Variants in CUX2 observed in about 807,000 individuals in gnomAD.
CUX2 encodes the protein homeobox protein cut-like 2.
Under a neutral mutation model 144.8 loss-of-function variants are expected in CUX2, and 40 were observed. That is an observed-to-expected ratio of 0.28 (90% CI 0.21 to 0.36). The LOEUF is 0.36. Ranked by LOEUF, CUX2 falls within the 10% of genes least tolerant of loss-of-function variation. The probability of loss-of-function intolerance (pLI) is 1.00; values close to 1 mark genes in which losing one functional copy is unlikely to be tolerated. For synonymous variants in CUX2, 827 were observed against 875.6 expected (o/e 0.94, Z 0.98); for missense variants, 1,615 against 1,994.0 (o/e 0.81, Z 3.62).
intron 2 of CUX2, among the ~76,000 whole-genome samples, chr12:111,216,261 C>T (rs1001175438): frequency 2.0e-5 from 3 of 152,226 alleles, no homozygotes; most frequent in African/African-American, 7.2e-5. Flanking sequence ...CTGCGCCATT[C>T]ACTTGCTGTG....
At chr12:111,313,228 A>ATTTTT (rs1336966730) in intron 16 of CUX2, among the ~76,000 whole-genome samples, 25 of 140,614 alleles carry the variant, frequency 1.8e-4, no homozygotes, top group African/African-American at 5.5e-4. Flanking sequence ...CACCTGGCTA[A>ATTTTT]TTTTTTTTTT....
intron 4 of CUX2, among the ~76,000 whole-genome samples, chr12:111,271,519 C>A (rs1010415283): frequency 6.6e-6 from 1 of 152,188 alleles, no homozygotes; most frequent in African/African-American, 2.4e-5. Flanking sequence ...ATTTACCTAA[C>A]CCCTCTCCAA....
chr12:111,307,326 C>A lies in CUX2; in HGVS notation c.1109+69C>A. 1 of 1,378,276 alleles carries A rather than the reference C, an allele frequency of 7.3e-7. No individual in the cohort carries two copies. The highest frequency in any genetic ancestry group is 1.0e-6 in the Non-Finnish European group (1 of 979,558). The allele number at this position is 1,378,276 out of a possible 1,614,324, so 85.4% of individuals were successfully genotyped here. A position where few individuals can be genotyped will look rare whatever the true frequency, so the allele number is the denominator to read the frequency against. ...CTGGCCAGGAGCTCTTGGCAAAGTT[C>A]ATCATCTTCCTCCCTCCTACTAAAC... On this transcript the variant is annotated intron_variant, in intron 12 of 21. Transcript: ENST00000261726. The surrounding 1 kb of genome is among the most constrained non-coding windows in gnomAD (Gnocchi z 4.1).
rs556941040 is a variant in CUX2 at position 111,344,688 on chromosome 12, G to A, written c.3659+2635G>A. Among the ~76,000 whole-genome samples, 9 of 152,096 alleles carry A rather than the reference G, an allele frequency of 5.9e-5. 1 individual carries two copies. Among genetic ancestry groups the A allele is most frequent in the Admixed American group, 4.6e-4 (7 of 15,262 alleles). On this transcript the variant is annotated intron_variant, in intron 21 of 21. Transcript: ENST00000261726. ...TTGGAGGGATTGGAGGGGAGGGTAC[G>A]GACTAGGTGACCCCTCACAGTTCCT... is the stretch of plus-strand genomic sequence containing the variant.
chr12:111,148,509 G>T (rs1876840879), intron 1 of CUX2, among the ~76,000 whole-genome samples: 2 of 152,116 alleles, frequency 1.3e-5, no homozygotes, highest in Admixed American at 1.3e-4. Context: ...ATTTAAATAT[G>T]GTTAAAATTG....
Position 111,320,267 on chromosome 12 carries a change from GC to G in CUX2, c.2262del (p.Ala755ArgfsTer122). The G allele has an allele frequency of 6.3e-7, 1 of 1,592,696 alleles. No individual in the cohort carries two copies. On this transcript the variant is annotated frameshift_variant, in exon 17 of 22. Transcript: ENST00000261726. LOFTEE classifies it high-confidence loss of function. The surrounding 1 kb of genome is among the most constrained non-coding windows in gnomAD (Gnocchi z 8.1). ...GTGAAGCAGGAGGAGGGCAGCGGGG[GC>G]CCCGCGCAGGCGCCGCTCCCGGTCC... Reference protein sequence around the residue: ...ALVKQEEGSGGPAQAPLPVLS... With the variant: ...ALVKQEEGSGXPAQAPLPVLS...
At chr12:111,091,792 C>T (rs530908584) in intron 1 of CUX2, among the ~76,000 whole-genome samples, 20 of 152,326 alleles carry the variant, frequency 1.3e-4, no homozygotes, top group Non-Finnish European at 2.2e-4. Context: ...TGGTGGCTGC[C>T]GGCCCTGCCT....
At chr12:111,098,457 C>T (rs995324105) in intron 1 of CUX2, among the ~76,000 whole-genome samples, 6 of 151,898 alleles carry the variant, frequency 4.0e-5, no homozygotes, top group African/African-American at 7.3e-5. Context: ...CTGCAGTCAT[C>T]GGCCTTGGCA....
intron 1 of CUX2, among the ~76,000 whole-genome samples, chr12:111,067,275 A>G (rs1261029138): frequency 2.0e-5 from 3 of 152,314 alleles, no homozygotes; most frequent in African/African-American, 4.8e-5. Context: ...AGCTGGGCCA[A>G]TCAGAATTCT....
intron 1 of CUX2, among the ~76,000 whole-genome samples, chr12:111,096,805 C>G (rs1395304614): frequency 6.6e-6 from 1 of 152,076 alleles, no homozygotes; most frequent in East Asian, 1.9e-4. Flanking sequence ...TGATGAAACT[C>G]CATCTCTACT....
chr12:111,177,320 C>T (rs1281585739), intron 1 of CUX2, among the ~76,000 whole-genome samples: 1 of 152,104 alleles, frequency 6.6e-6, no homozygotes, highest in African/African-American at 2.4e-5. Flanking sequence ...CTGCAGCCAT[C>T]TCTGCAAAAG....
At chr12:111,298,647 G>C (rs1277040197) in intron 9 of CUX2, 58 bp downstream of exon 9, 2 of 1,491,998 alleles carry the variant, frequency 1.3e-6, no homozygotes, top group African/African-American at 2.8e-5. Flanking sequence ...CTGGGGTGGG[G>C]GTCTCGGGCC....
chr12:111,183,462 A>G (rs1410842113), intron 1 of CUX2, among the ~76,000 whole-genome samples: 1 of 152,258 alleles, frequency 6.6e-6, no homozygotes, highest in Non-Finnish European at 1.5e-5. Flanking sequence ...GGCAATAGGC[A>G]GAAGCAACAC....
At position 111,212,576 on chromosome 12, in the gene CUX2, C is replaced by T. The variant is rs1334791797; in HGVS notation, c.64-1624C>T. ...TAGAGAGGAGGCCTCACTATGTTGCCCAGGCTGGTCTCAAACTCTTGGCCT... is the reference window on the plus strand; with the variant it reads ...TAGAGAGGAGGCCTCACTATGTTGCTCAGGCTGGTCTCAAACTCTTGGCCT... On this transcript the variant is annotated intron_variant, in intron 1 of 21. Coordinates refer to ENST00000261726, the MANE Select transcript of CUX2 (RefSeq NM_015267.4). 2.6e-5 allele frequency among the ~76,000 whole-genome samples: 4 copies of T among 152,160 alleles called. No homozygotes were observed. The East Asian group carries it at 7.7e-4, about 29-fold the overall frequency.
Position 111,037,130 on chromosome 12 carries a change from C to T in CUX2, c.63+2890C>T, listed in dbSNP as rs1869497152. ...GATCCAGGTAGGAGAGGCAGGTCCC[C>T]GTGCCCAGCCCCAGGCAGCCGGAGA... On this transcript the variant is annotated intron_variant, in intron 1 of 21. Coordinates refer to ENST00000261726, the MANE Select transcript of CUX2 (RefSeq NM_015267.4). This position sits in a 1 kb window ranked among gnomAD's most constrained non-coding sequence, Gnocchi z 5.4. Among the ~76,000 whole-genome samples the T allele has an allele frequency of 6.6e-6, 1 of 152,184 alleles. No homozygotes were observed. The highest frequency in any genetic ancestry group is 1.5e-5 in the Non-Finnish European group (1 of 68,038).
In CUX2 at chr12:111,306,949, G is replaced by A. The variant is rs745799384; in HGVS notation, c.887G>A (p.Gly296Asp). The A allele has an allele frequency of 6.2e-7, 1 of 1,612,362 alleles. No individual in the cohort carries two copies. The highest frequency in any genetic ancestry group is 8.5e-7 in the Non-Finnish European group (1 of 1,179,116). ...AAGGTGAACTTCACTCTGTGCTCGG[G>A]CCCTCGGCTGGAGGCCGCGCTGGCC... is the stretch of plus-strand genomic sequence containing the variant. Reference protein sequence around the residue: ...GDKVNFTLCSGPRLEAALASK... With the variant: ...GDKVNFTLCSDPRLEAALASK... Residue 296 changes from glycine (G) to aspartate (D), a missense_variant, in exon 11 of 22, where the codon GGC becomes GAC. This residue lies in a region of CUX2 where 295 missense variants were observed against 400.2 expected (regional missense o/e 0.74). Transcript: ENST00000261726.
rs1875754449 is a variant in CUX2 at position 111,134,863 on chromosome 12, A to G, written c.64-79337A>G. Among the ~76,000 whole-genome samples the G allele has an allele frequency of 3.3e-5, 5 of 152,146 alleles. 1 individual carries two copies. In the South Asian group the frequency reaches 1.0e-3, roughly 31 times the overall value. ...AAAGGGAACTCCAGGCAGAAGGACCATGTGTGCTTGGGTTCCTACAGCTAG... is the reference window on the plus strand; with the variant it reads ...AAAGGGAACTCCAGGCAGAAGGACCGTGTGTGCTTGGGTTCCTACAGCTAG... On this transcript the variant is annotated intron_variant, in intron 1 of 21. Coordinates refer to ENST00000261726, the MANE Select transcript of CUX2 (RefSeq NM_015267.4).
chr12:111,093,940 G>A (rs943863680), intron 1 of CUX2, among the ~76,000 whole-genome samples: 6 of 152,202 alleles, frequency 3.9e-5, no homozygotes, highest in East Asian at 1.9e-4. Flanking sequence ...ACTGTGATCC[G>A]CAGGAGCCAA....
chr12:111,268,522 A>G (rs1013188584), intron 4 of CUX2, among the ~76,000 whole-genome samples: 1 of 152,194 alleles, frequency 6.6e-6, no homozygotes, highest in Non-Finnish European at 1.5e-5. Context: ...TCCCGCGCTC[A>G]CAGGAACAGT....
Sources: gnomAD v4.1 joint callset for allele counts (sites outside exome capture counted in the v4.1 genomes callset) on GRCh38, gnomAD v4.1.1 for gene constraint, gnomAD v4.1.1 regional missense constraint, Gnocchi (gnomAD v3.1) non-coding constraint, MANE v1.5 for transcripts, NCBI Gene and HGNC (gene_info 2026-07-23, HGNC 2026-07-21) for gene names.